PLPP3: variants seen among roughly 807,000 people sequenced by gnomAD.
PLPP3 encodes the protein phospholipid phosphatase 3.
A neutral mutation model predicts 29.6 loss-of-function variants in PLPP3; 6 were observed. The ratio of observed to expected loss-of-function variants is 0.20; its 90% confidence interval spans 0.11 to 0.40. PLPP3 has a LOEUF of 0.40. Ranked by LOEUF, PLPP3 falls within the 10% of genes least tolerant of loss-of-function variation. The probability of loss-of-function intolerance (pLI) is 1.00; values close to 1 mark genes in which losing one functional copy is unlikely to be tolerated. For synonymous variants in PLPP3, 152 were observed against 159.7 expected, an observed-to-expected ratio of 0.95 and a Z score of 0.36; for missense variants, 308 against 407.7, an observed-to-expected ratio of 0.76 and a Z score of 2.11.
At chr1:56,556,946 GAC>G (rs1304274020) in intron 1 of PLPP3, among the ~76,000 whole-genome samples, 2 of 104,146 alleles carry the variant, frequency 1.9e-5, no homozygotes, top group African/African-American at 7.3e-5. Context: ...GAGAGAGAGA[GAC>G]AGAGAGAAAG....
chr1:56,515,341 T>G (rs1352616935), intron 4 of PLPP3, among the ~76,000 whole-genome samples: 1 of 151,994 alleles, frequency 6.6e-6, no homozygotes. Flanking sequence ...TTGTTACGAG[T>G]CCTTCAACCA....
chr1:56,540,831 A>T (rs1399984697), intron 1 of PLPP3, among the ~76,000 whole-genome samples: 1 of 152,174 alleles, frequency 6.6e-6, no homozygotes, highest in Non-Finnish European at 1.5e-5. Flanking sequence ...CTAGGCAACT[A>T]GGCAGAGATA....
chr1:56,551,331 G>C (rs1646037871), intron 1 of PLPP3, among the ~76,000 whole-genome samples: 1 of 141,562 alleles, frequency 7.1e-6, no homozygotes, highest in Non-Finnish European at 1.6e-5. Flanking sequence ...GTTTGGTGGT[G>C]TGCAATTAGC....
At chr1:56,563,921 G>A (rs547179302) in intron 1 of PLPP3, among the ~76,000 whole-genome samples, 9 of 152,110 alleles carry the variant, frequency 5.9e-5, no homozygotes, top group Non-Finnish European at 1.0e-4. Context: ...TATCCTCTAC[G>A]GATTTACAAA....
chr1:56,546,278 A>T (rs1411486800), intron 1 of PLPP3, among the ~76,000 whole-genome samples: 1 of 152,114 alleles, frequency 6.6e-6, no homozygotes, highest in Non-Finnish European at 1.5e-5. Flanking sequence ...ATTCTCATTG[A>T]GCTTGCACTG....
chr1:56,524,619 C>T lies in PLPP3; in HGVS notation c.298-65G>A, dbSNP rs550478076. The stretch of plus-strand genomic sequence containing the variant: ...TTCATCATCAACACTGATGCCGTAA[C>T]GGATATTCAACAACACAGGAGAATA... On this transcript the variant is annotated intron_variant, in intron 2 of 5. Coordinates refer to ENST00000371250, the MANE Select transcript of PLPP3 (RefSeq NM_003713.5). This position sits in a 1 kb window ranked among gnomAD's most constrained non-coding sequence, Gnocchi z 4.3. The T allele has an allele frequency of 1.3e-4, 200 of 1,525,900 alleles. No homozygotes were observed. Among genetic ancestry groups the T allele is most frequent in the East Asian group, 4.6e-4 (20 of 43,726 alleles). 94.5% of individuals were successfully genotyped at this position (1,525,900 alleles called of 1,614,324 possible). A position where few individuals can be genotyped will look rare whatever the true frequency, so the allele number is the denominator to read the frequency against.
intron 5 of PLPP3, among the ~76,000 whole-genome samples, chr1:56,511,416 T>A (rs149384900): frequency 1.4e-4 from 22 of 152,250 alleles, no homozygotes; most frequent in African/African-American, 4.6e-4. Context: ...AGCCTTCAGA[T>A]AACCTCCTCT....
At chr1:56,531,665 G>C (rs138058875) in intron 2 of PLPP3, among the ~76,000 whole-genome samples, 109 of 152,314 alleles carry the variant, frequency 7.2e-4, no homozygotes, top group African/African-American at 2.6e-3. Flanking sequence ...ACCGACCAGA[G>C]TGGGCCTTCA....
intron 1 of PLPP3, 103 bp downstream of exon 1, chr1:56,578,775 G>GACGGCGCGGC: frequency 1.6e-6 from 2 of 1,219,054 alleles, no homozygotes; most frequent in African/African-American, 3.2e-5. Flanking sequence ...CCCCGGAGCT[G>GACGGCGCGGC]ACGGCGCGGC....
chr1:56,537,465 A>G (rs1645936522), intron 1 of PLPP3, among the ~76,000 whole-genome samples: 1 of 152,108 alleles, frequency 6.6e-6, no homozygotes. Context: ...CCCAAATCTC[A>G]TGATTTATGC....
At chr1:56,538,045 T>A (rs1406947813) in intron 1 of PLPP3, among the ~76,000 whole-genome samples, 2 of 152,162 alleles carry the variant, frequency 1.3e-5, no homozygotes, top group African/African-American at 2.4e-5. Context: ...ATGGCCCCCA[T>A]TCCCTTCTAC....
At position 56,578,781 on chromosome 1, in the gene PLPP3, G is replaced by A. The variant is rs977595034; in HGVS notation, c.139+97C>T. ...GCGGGGGCCCCCCGGAGCTGACGGCGCGGCGCGGCGCGGCGCTGCGCGGCC... is the reference window on the plus strand; with the variant it reads ...GCGGGGGCCCCCCGGAGCTGACGGCACGGCGCGGCGCGGCGCTGCGCGGCC... On this transcript the variant is annotated intron_variant, in intron 1 of 5. Transcript: ENST00000371250. The A allele has an allele frequency of 5.9e-5, 72 of 1,222,088 alleles. 1 individual carries two copies. In the African/African-American group the frequency reaches 1.1e-3, roughly 19 times the overall value. The allele number at this position is 1,222,088 out of a possible 1,614,324, so 75.7% of individuals were successfully genotyped here.
At chr1:56,538,348 A>C in intron 1 of PLPP3, 1 of 247,030 alleles carries the variant, frequency 4.0e-6, no homozygotes, top group Non-Finnish European at 8.2e-6. Context: ...GACACTTCGC[A>C]AAGTAAAAGG....
At chr1:56,507,041 C>T (rs541963206) in intron 5 of PLPP3, among the ~76,000 whole-genome samples, 1 of 152,316 alleles carries the variant, frequency 6.6e-6, no homozygotes, top group African/African-American at 2.4e-5. Flanking sequence ...TCTTCCTTTT[C>T]TGGAAAGCAT....
rs555700193 is a variant in PLPP3, at chr1:56,520,813, A to C, written c.633+3010T>G. Among the ~76,000 whole-genome samples, 319 of 146,816 alleles carry C rather than the reference A, an allele frequency of 2.2e-3. 2 individuals carry two copies. The highest frequency in any genetic ancestry group is 3.2e-3 in the Non-Finnish European group (214 of 67,170). On this transcript the variant is annotated intron_variant, in intron 4 of 5. Coordinates refer to ENST00000371250, the MANE Select transcript of PLPP3 (RefSeq NM_003713.5). ...GTAATCCCAGCTACTTGGGAGTCTA[A>C]GGCAGGAGAATTGCTTGAATCTGGG...
rs772751531 is a variant in PLPP3 at position 56,512,064 on chromosome 1, G to A, written c.722C>T (p.Thr241Met). 1.2e-6 allele frequency: 2 copies of A among 1,613,492 alleles called. No individual in the cohort carries two copies. Among genetic ancestry groups the A allele is most frequent in the African/African-American group, 1.3e-5 (1 of 74,910 alleles). Reference sequence around the variant, plus strand: ...GTGGTCTGATACGCGAGACAGTCCCGTGTAGAAGGCCATCATGATCAAGGT... The same window carrying A: ...GTGGTCTGATACGCGAGACAGTCCCATGTAGAAGGCCATCATGATCAAGGT... ...QFTLIMMAFY[T>M]GLSRVSDHKH... Residue 241 changes from threonine (T) to methionine (M), a missense_variant, in exon 5 of 6, where the codon ACG becomes ATG. Thr to Met is a moderately conservative substitution (Grantham distance 81, BLOSUM62 -1). Coordinates refer to ENST00000371250, the MANE Select transcript of PLPP3 (RefSeq NM_003713.5).
chr1:56,549,824 G>C (rs1646026571), intron 1 of PLPP3, among the ~76,000 whole-genome samples: 1 of 152,220 alleles, frequency 6.6e-6, no homozygotes, highest in South Asian at 2.1e-4. Flanking sequence ...GGCAGCTCTT[G>C]GCTCTGCTGA....
intron 4 of PLPP3, among the ~76,000 whole-genome samples, chr1:56,521,433 T>C (rs1645818943): frequency 6.6e-6 from 1 of 152,108 alleles, no homozygotes; most frequent in African/African-American, 2.4e-5. Flanking sequence ...GCTGTGTATA[T>C]ATATGTTGTA....
At chr1:56,521,922 G>A (rs1645822406) in intron 4 of PLPP3, among the ~76,000 whole-genome samples, 1 of 152,086 alleles carries the variant, frequency 6.6e-6, no homozygotes, top group African/African-American at 2.4e-5. Context: ...CGGAGGGAGG[G>A]GACATCTCAA....
Sources: gnomAD v4.1 joint callset for allele counts (sites outside exome capture counted in the v4.1 genomes callset) on GRCh38, gnomAD v4.1.1 for gene constraint, Gnocchi (gnomAD v3.1) non-coding constraint, MANE v1.5 for transcripts, NCBI Gene and HGNC (gene_info 2026-07-23, HGNC 2026-07-21) for gene names.